The following TRAPPC13 variants were observed in gnomAD, a reference collection of about 807,000 sequenced individuals.
The protein encoded by TRAPPC13 is trafficking protein particle complex subunit 13.
TRAPPC13 carries 39 observed loss-of-function variants against 54.0 expected under a neutral mutation model. The ratio of observed to expected loss-of-function variants is 0.72; its 90% CI spans 0.56 to 0.94. TRAPPC13 has a LOEUF of 0.94. TRAPPC13 is among the 40% of genes least tolerant of loss of function. TRAPPC13 has a pLI of 0.00. For missense variants in TRAPPC13, 386 were observed against 488.1 expected, an observed-to-expected ratio of 0.79 and a Z score of 1.97; for synonymous variants, 148 against 167.7, an observed-to-expected ratio of 0.88 and a Z score of 0.91.
At chr5:65,629,725 G>A (rs1223877047) in intron 1 of TRAPPC13, 10 of 1,535,934 alleles carry the variant, frequency 6.5e-6, no homozygotes, top group Non-Finnish European at 8.7e-6. Flanking sequence ...CATATGATGG[G>A]TCCAAGCTTC....
At chr5:65,642,567 ATTCTT>A (rs1756010437) in intron 4 of TRAPPC13, among the ~76,000 whole-genome samples, 1 of 152,122 alleles carries the variant, frequency 6.6e-6, no homozygotes, top group Non-Finnish European at 1.5e-5. Flanking sequence ...TAGGAATTTT[ATTCTT>A]TTATTTTGAT....
chr5:65,627,873 T>A (rs921136747), intron 1 of TRAPPC13, among the ~76,000 whole-genome samples: 6 of 152,196 alleles, frequency 3.9e-5, no homozygotes, highest in South Asian at 2.1e-4. Flanking sequence ...TATCAGTAGG[T>A]AAAAATAATG....
chr5:65,657,612 A>AG (rs1250311010), intron 8 of TRAPPC13, among the ~76,000 whole-genome samples: 1 of 152,222 alleles, frequency 6.6e-6, no homozygotes, highest in African/African-American at 2.4e-5. Flanking sequence ...TAGCATAATT[A>AG]GGGGAATTAA....
intron 7 of TRAPPC13, among the ~76,000 whole-genome samples, chr5:65,653,954 G>C (rs1756563550): frequency 6.6e-6 from 1 of 152,100 alleles, no homozygotes; most frequent in African/African-American, 2.4e-5. Context: ...TGCTGGAAAA[G>C]ATTTCATTTA....
intron 1 of TRAPPC13, chr5:65,629,875 C>G: frequency 6.5e-7 from 1 of 1,536,044 alleles, no homozygotes; most frequent in Non-Finnish European, 8.7e-7. Context: ...TTCAACCTAG[C>G]TTGAAAAAGC....
intron 1 of TRAPPC13, among the ~76,000 whole-genome samples, chr5:65,628,807 C>A (rs573196350): frequency 1.3e-5 from 2 of 151,320 alleles, no homozygotes; most frequent in Non-Finnish European, 2.9e-5. Context: ...GATTAATTTT[C>A]TTCCAGACAG....
At chr5:65,641,735 C>T (rs1226560385) in intron 4 of TRAPPC13, among the ~76,000 whole-genome samples, 1 of 149,966 alleles carries the variant, frequency 6.7e-6, no homozygotes, top group African/African-American at 2.4e-5. Context: ...ACAAAAAAAA[C>T]AAGACAAAAC....
At chr5:65,664,132 T>A (rs1056546910) in intron 11 of TRAPPC13, 105 bp from the exon 12 acceptor site, 1 of 1,162,762 alleles carries the variant, frequency 8.6e-7, no homozygotes, top group African/African-American at 1.6e-5. Context: ...GTTTTTATTC[T>A]CCTGGATATG....
chr5:65,629,181 A>G (rs1755405863), intron 1 of TRAPPC13, among the ~76,000 whole-genome samples: 1 of 152,218 alleles, frequency 6.6e-6, no homozygotes, highest in East Asian at 1.9e-4. Context: ...ATTACTTAAT[A>G]TATTAATATC....
At position 65,632,396 on chromosome 5, in the gene TRAPPC13, C is replaced by T. The variant is rs556276394; in HGVS notation, c.47-2905C>T. Among the ~76,000 whole-genome samples, 4 of 152,274 alleles carry T rather than the reference C, an allele frequency of 2.6e-5. No individual in the cohort carries two copies. The South Asian group carries it at 8.3e-4, about 32-fold the overall frequency. The stretch of plus-strand genomic sequence containing the variant: ...ATAAGAGTGAAGGTTGGAAACGCCT[C>T]CCCATATTCATCTGTAGCTGATTAA... On this transcript the variant is annotated intron_variant, in intron 1 of 12. Transcript: ENST00000399438.
At chr5:65,658,956 G>C (rs1037446908) in intron 9 of TRAPPC13, among the ~76,000 whole-genome samples, 1 of 152,064 alleles carries the variant, frequency 6.6e-6, no homozygotes, top group Non-Finnish European at 1.5e-5. Context: ...CTGACCTCAA[G>C]CGATCTGCCC....
intron 4 of TRAPPC13, among the ~76,000 whole-genome samples, chr5:65,643,819 A>AC (rs1243637154): frequency 9.8e-6 from 1 of 101,524 alleles, no homozygotes; most frequent in Non-Finnish European, 2.2e-5. Flanking sequence ...TCCGTCTCAG[A>AC]AAAAAAAAAA....
At position 65,637,244 on chromosome 5, in the gene TRAPPC13, A is replaced by G. The variant is rs186914507; in HGVS notation, c.216-452A>G. On this transcript the variant is annotated intron_variant, in intron 3 of 12. Coordinates refer to ENST00000399438, the MANE Select transcript of TRAPPC13 (RefSeq NM_024941.4). ...GTAATGAATGAGTGGCCTAGTGTGA[A>G]CAAAGGAATGTTGAAGCAGTATTTC... 2.9e-3 allele frequency among the ~76,000 whole-genome samples: 448 copies of G among 152,352 alleles called. 5 individuals carry two copies. The highest frequency in any genetic ancestry group is 3.0e-3 in the Non-Finnish European group (202 of 68,040).
rs568461585 is a variant in TRAPPC13, at chr5:65,638,248, A to G, written c.300+468A>G. Among the ~76,000 whole-genome samples, 3 of 152,358 alleles carry G rather than the reference A, an allele frequency of 2.0e-5. No individual in the cohort carries two copies. In the South Asian group the frequency reaches 6.2e-4, roughly 32 times the overall value. On this transcript the variant is annotated intron_variant, in intron 4 of 12. Transcript: ENST00000399438. ...AGCACTAATGAATGCCTACAGTTATAAAGTATTATGTTAGGCATGAAAACA... is the reference window on the plus strand; with the variant it reads ...AGCACTAATGAATGCCTACAGTTATGAAGTATTATGTTAGGCATGAAAACA...
intron 4 of TRAPPC13, among the ~76,000 whole-genome samples, chr5:65,646,057 T>C (rs1756195842): frequency 6.6e-6 from 1 of 152,174 alleles, no homozygotes; most frequent in South Asian, 2.1e-4. Flanking sequence ...CCTGCCTCCA[T>C]AGACTTTTCT....
chr5:65,629,395 TCC>T, intron 1 of TRAPPC13: 1 of 1,203,616 alleles, frequency 8.3e-7, no homozygotes. Context: ...TTTTTGTTTT[TCC>T]TTTTCTCCCT....
At position 65,664,584 on chromosome 5, in the gene TRAPPC13, A is replaced by G. The variant is rs753735465; in HGVS notation, c.1227A>G (p.Val409=). 2 of 1,612,808 alleles carry G rather than the reference A, an allele frequency of 1.2e-6. No homozygotes were observed. The highest frequency in any genetic ancestry group is 3.3e-5 in the Admixed American group (2 of 59,736). The change falls in exon 13 of 13, where the codon GTA becomes GTG. Residue 409 remains valine (V), a synonymous_variant. Coordinates refer to ENST00000399438, the MANE Select transcript of TRAPPC13 (RefSeq NM_024941.4). ...ATGACATCGCACAAGTCTGTGTGGT[A>G]TCTTCTGCCATTAAAGTGGAAAGCT... ...EYDDIAQVCV[V]SSAIKVES
chr5:65,635,011 GC>G, intron 1 of TRAPPC13: 1 of 848,050 alleles, frequency 1.2e-6, no homozygotes, highest in Non-Finnish European at 1.4e-6. Flanking sequence ...TACTCTTTAA[GC>G]TTTAAAAATT....
chr5:65,630,489 C>A, intron 1 of TRAPPC13: 1 of 1,355,496 alleles, frequency 7.4e-7, no homozygotes, highest in Non-Finnish European at 9.4e-7. Flanking sequence ...CTGAGTTCTG[C>A]TTATTGGCAG....
Sources: gnomAD v4.1 joint callset for allele counts (sites outside exome capture counted in the v4.1 genomes callset) on GRCh38, gnomAD v4.1.1 for gene constraint, MANE v1.5 for transcripts, NCBI Gene and HGNC (gene_info 2026-07-23, HGNC 2026-07-21) for gene names.